The following RUNDC3B variants were observed in gnomAD, a reference collection of about 807,000 sequenced individuals.
RUNDC3B encodes RUN domain containing 3B.
RUNDC3B carries 33 observed loss-of-function variants against 58.4 expected under a neutral mutation model. The observed-to-expected ratio is 0.56, with a 90% CI of 0.43 to 0.75. The LOEUF is 0.75. RUNDC3B is among the 30% of genes least tolerant of loss of function. The pLI is 0.00. For missense variants in RUNDC3B, 501 were observed against 535.7 expected, an observed-to-expected ratio of 0.94 and a Z score of 0.64; for synonymous variants, 193 against 195.2, an observed-to-expected ratio of 0.99 and a Z score of 0.10.
At chr7:87,768,106 G>A (rs1834072559) in intron 6 of RUNDC3B, among the ~76,000 whole-genome samples, 1 of 152,218 alleles carries the variant, frequency 6.6e-6, no homozygotes, top group African/African-American at 2.4e-5. Context: ...TTTTAGTGGA[G>A]AATAGTACTG....
At chr7:87,760,506 A>G (rs1218307862) in intron 6 of RUNDC3B, among the ~76,000 whole-genome samples, 1 of 152,072 alleles carries the variant, frequency 6.6e-6, no homozygotes, top group East Asian at 1.9e-4. Context: ...ATGGAATTGC[A>G]AGGGACTCTA....
At chr7:87,739,606 G>T (rs930385728) in intron 4 of RUNDC3B, among the ~76,000 whole-genome samples, 185 bp from the exon 5 acceptor site, 2 of 151,860 alleles carry the variant, frequency 1.3e-5, no homozygotes, top group African/African-American at 4.8e-5. Flanking sequence ...TGTTGTTGTT[G>T]TTTTGTCTCT....
intron 6 of RUNDC3B, among the ~76,000 whole-genome samples, chr7:87,744,163 T>C (rs1396912984): frequency 6.6e-6 from 1 of 152,208 alleles, no homozygotes; most frequent in East Asian, 1.9e-4. Context: ...TCTGTTCCAC[T>C]GGTCTATGTG....
intron 2 of RUNDC3B, chr7:87,693,953 T>C: frequency 5.6e-6 from 9 of 1,611,522 alleles, no homozygotes; most frequent in Non-Finnish European, 5.9e-6. Flanking sequence ...CAAATACCTC[T>C]TCAAGGTACT....
intron 1 of RUNDC3B, among the ~76,000 whole-genome samples, chr7:87,644,199 T>A (rs537886991): frequency 4.6e-4 from 70 of 152,334 alleles, no homozygotes; most frequent in Non-Finnish European, 7.6e-4. Flanking sequence ...GTGTTTCTGA[T>A]GTAAAATATA....
chr7:87,741,412 G>A (rs952635899), intron 5 of RUNDC3B, 87 bp from the exon 6 acceptor site: 23 of 751,118 alleles, frequency 3.1e-5, no homozygotes, highest in East Asian at 2.1e-4. Context: ...TGAGAGAAAC[G>A]TCTCTGGCAA....
intron 4 of RUNDC3B, among the ~76,000 whole-genome samples, chr7:87,725,289 GT>G (rs1436831401): frequency 6.6e-6 from 1 of 152,090 alleles, no homozygotes; most frequent in Non-Finnish European, 1.5e-5. Context: ...TCCTTCCTGT[GT>G]CCAAGCATTC....
intron 8 of RUNDC3B, among the ~76,000 whole-genome samples, chr7:87,804,864 G>A (rs1836356243): frequency 6.6e-6 from 1 of 151,982 alleles, no homozygotes; most frequent in Non-Finnish European, 1.5e-5. Context: ...TTTTAAGCTT[G>A]GCCAATTAAG....
intron 8 of RUNDC3B, among the ~76,000 whole-genome samples, chr7:87,787,646 G>T (rs555267786): frequency 7.9e-5 from 12 of 152,222 alleles, no homozygotes; most frequent in African/African-American, 2.9e-4. Flanking sequence ...AATCAGGACT[G>T]TGCTCTACAC....
intron 7 of RUNDC3B, among the ~76,000 whole-genome samples, chr7:87,775,458 TATA>T (rs1311041493): frequency 6.6e-6 from 1 of 152,224 alleles, no homozygotes; most frequent in East Asian, 1.9e-4. Context: ...GTAAAAATGT[TATA>T]GTAAGCTAAC....
intron 4 of RUNDC3B, among the ~76,000 whole-genome samples, chr7:87,731,687 G>T (rs974419847): frequency 6.6e-6 from 1 of 152,194 alleles, no homozygotes; most frequent in Admixed American, 6.5e-5. Context: ...AGAATATAAT[G>T]ATAAAGGGGT....
chr7:87,632,109 A>T (rs1313756883), intron 1 of RUNDC3B, among the ~76,000 whole-genome samples: 1 of 151,912 alleles, frequency 6.6e-6, no homozygotes, highest in African/African-American at 2.4e-5. Flanking sequence ...CCATTTACAA[A>T]ACCAAAAAAA....
intron 2 of RUNDC3B, among the ~76,000 whole-genome samples, chr7:87,684,656 G>A (rs1181722198): frequency 1.3e-5 from 2 of 149,134 alleles, no homozygotes; most frequent in Non-Finnish European, 3.0e-5. Flanking sequence ...GCTGAGGCAG[G>A]AGGATTGCTT....
At position 87,830,713 on chromosome 7, in the gene RUNDC3B, G is replaced by T. The variant is rs571510332; in HGVS notation, c.*683G>T. The T allele has an allele frequency of 1.3e-5, 2 of 151,218 alleles. No individual in the cohort carries two copies. Among genetic ancestry groups the T allele is most frequent in the East Asian group, 3.9e-4 (2 of 5,160 alleles). The allele number at this position is 151,218 out of a possible 1,614,324, so 9.4% of individuals were successfully genotyped here. ...ATTTTACAGTATTTTATGCCATTTAGGCAAAATGAATAAACTGTTTTCCAA... is the reference window on the plus strand; with the variant it reads ...ATTTTACAGTATTTTATGCCATTTATGCAAAATGAATAAACTGTTTTCCAA... On this transcript the variant is annotated 3_prime_UTR_variant, in exon 11 of 11. Transcript: ENST00000394654.
intron 8 of RUNDC3B, among the ~76,000 whole-genome samples, chr7:87,790,764 AAGAC>A (rs1272430144): frequency 3.3e-5 from 5 of 152,084 alleles, no homozygotes; most frequent in Non-Finnish European, 7.4e-5. Context: ...AGTGAACTCA[AAGAC>A]AGGCTATTTG....
At chr7:87,790,099 T>C (rs1189455181) in intron 8 of RUNDC3B, among the ~76,000 whole-genome samples, 1 of 152,162 alleles carries the variant, frequency 6.6e-6, no homozygotes, top group Non-Finnish European at 1.5e-5. Context: ...TAGCTTCAGG[T>C]ATGACCTAGT....
intron 6 of RUNDC3B, among the ~76,000 whole-genome samples, chr7:87,760,503 T>A (rs1162056209): frequency 6.6e-6 from 1 of 152,042 alleles, no homozygotes; most frequent in African/African-American, 2.4e-5. Flanking sequence ...TGTATGGAAT[T>A]GCAAGGGACT....
At chr7:87,655,865 TG>T (rs1385835067) in intron 2 of RUNDC3B, among the ~76,000 whole-genome samples, 1 of 151,972 alleles carries the variant, frequency 6.6e-6, no homozygotes, top group Admixed American at 6.6e-5. Flanking sequence ...CCCTCATGAG[TG>T]GATTAATACC....
intron 6 of RUNDC3B, among the ~76,000 whole-genome samples, chr7:87,764,082 A>C (rs1000964329): frequency 1.3e-5 from 2 of 151,562 alleles, no homozygotes; most frequent in African/African-American, 4.8e-5. Context: ...TTTGGTATTT[A>C]TTTGTGTCCT....
Sources: allele counts gnomAD v4.1 joint callset (sites outside exome capture counted in the v4.1 genomes callset), GRCh38; gene constraint gnomAD v4.1.1; transcripts MANE v1.5; gene names NCBI Gene and HGNC (gene_info 2026-07-23, HGNC 2026-07-21).